KDM1A: variants seen among roughly 807,000 people sequenced by gnomAD.
The protein encoded by KDM1A is lysine demethylase 1A.
KDM1A carries 49 observed loss-of-function variants against 109.4 expected under a neutral mutation model. That is an observed-to-expected ratio of 0.45 (90% CI 0.36 to 0.57). The LOEUF is 0.57. KDM1A is among the 20% of genes least tolerant of loss of function. The probability of loss-of-function intolerance (pLI) is 0.00; values close to 1 mark genes in which losing one functional copy is unlikely to be tolerated. For missense variants in KDM1A, 668 were observed against 1,116.6 expected, an observed-to-expected ratio of 0.60 and a Z score of 5.73; for synonymous variants, 380 against 415.4, an observed-to-expected ratio of 0.91 and a Z score of 1.04.
Position 23,023,010 on chromosome 1 carries a change from A to G in KDM1A, c.351+3063A>G, listed in dbSNP as rs554672910. 7.2e-5 allele frequency among the ~76,000 whole-genome samples: 11 copies of G among 152,216 alleles called. No homozygotes were observed. The South Asian group carries it at 1.2e-3, about 17-fold the overall frequency. ...GTTTGTCTTTTACTGTAGCCATCCT[A>G]TTGGGGGTAAAGTGGTATCTCATTG... On this transcript the variant is annotated intron_variant, in intron 1 of 20. Coordinates refer to ENST00000400181, the MANE Select transcript of KDM1A (RefSeq NM_001009999.3).
At chr1:23,050,048 T>G (rs10917347) in intron 3 of KDM1A, among the ~76,000 whole-genome samples, 23,642 of 152,224 alleles carry the variant, frequency 0.16, 2,506 homozygotes, top group East Asian at 0.48. Flanking sequence ...TTAGTGCATT[T>G]TCCTTTATTC....
chr1:23,059,817 T>C (rs192582272), intron 9 of KDM1A, among the ~76,000 whole-genome samples: 1 of 152,360 alleles, frequency 6.6e-6, no homozygotes, highest in African/African-American at 2.4e-5. Flanking sequence ...AAAATTTTAC[T>C]GACTGCCTTT....
At chr1:23,057,275 T>TA (rs1259953816) in intron 7 of KDM1A, among the ~76,000 whole-genome samples, 1 of 152,218 alleles carries the variant, frequency 6.6e-6, no homozygotes, top group Non-Finnish European at 1.5e-5. Flanking sequence ...GACATTTAAT[T>TA]ATATGTCATT....
chr1:23,045,192 C>T (rs888988528), intron 3 of KDM1A, among the ~76,000 whole-genome samples: 2 of 152,184 alleles, frequency 1.3e-5, no homozygotes, highest in African/African-American at 4.8e-5. Flanking sequence ...TCCTTTGTCT[C>T]TTGAAGGATG....
intron 12 of KDM1A, 85 bp downstream of exon 12, chr1:23,069,236 T>A: frequency 1.3e-6 from 1 of 793,734 alleles, no homozygotes; most frequent in Non-Finnish European, 2.0e-6. Flanking sequence ...TTCCGAGATT[T>A]TTTCCTCCAT....
chr1:23,034,150 A>T (rs994458698), intron 2 of KDM1A, among the ~76,000 whole-genome samples: 1 of 152,048 alleles, frequency 6.6e-6, no homozygotes, highest in Non-Finnish European at 1.5e-5. Context: ...TAAATAATGG[A>T]TTTTTCATAC....
At chr1:23,042,440 ATTTTTTTT>A (rs769149894) in intron 2 of KDM1A, among the ~76,000 whole-genome samples, 9 of 21,560 alleles carry the variant, frequency 4.2e-4, no homozygotes, top group South Asian at 1.3e-3. Flanking sequence ...GAAATATATT[ATTTTTTTT>A]TTTTTTTTTT....
At chr1:23,024,314 G>A (rs1641731980) in intron 1 of KDM1A, among the ~76,000 whole-genome samples, 1 of 152,170 alleles carries the variant, frequency 6.6e-6, no homozygotes, top group Non-Finnish European at 1.5e-5. Context: ...CCAGTCTTGG[G>A]ATCCAGAGGA....
At position 23,079,253 on chromosome 1, in the gene KDM1A, G is replaced by A. The variant is rs1557599727; in HGVS notation, c.2055+76G>A. On this transcript the variant is annotated intron_variant, in intron 17 of 20. Transcript: ENST00000400181. This position sits in a 1 kb window ranked among gnomAD's most constrained non-coding sequence, Gnocchi z 5.6. ...TCTTCGTTGTTTACTTGGTGAGGAG[G>A]TGGCCTTGCATTTTTGGGCATTTGG... is the stretch of plus-strand genomic sequence containing the variant. 6.7e-7 allele frequency: 1 copy of A among 1,482,590 alleles called. No individual in the cohort carries two copies. 91.8% of individuals were successfully genotyped at this position (1,482,590 alleles called of 1,614,324 possible).
At chr1:23,022,051 T>A (rs1168246194) in intron 1 of KDM1A, among the ~76,000 whole-genome samples, 1 of 152,220 alleles carries the variant, frequency 6.6e-6, no homozygotes, top group African/African-American at 2.4e-5. Flanking sequence ...ATATACCAAA[T>A]TTGGTTTACC....
chr1:23,019,740 C>A lies in KDM1A; in HGVS notation c.144C>A (p.Ala48=), dbSNP rs1038216351. The change falls in exon 1 of 21, where the codon GCC becomes GCA. Residue 48 remains alanine, a synonymous_variant. Transcript: ENST00000400181. The part of the protein sequence containing the change: ...AAQPAGLSGP[A]EVGPGAVGER... ...AGCCCGCGGGCCTGTCGGGCCCAGC[C>A]GAGGTCGGGCCGGGGGCGGTGGGGG... The A allele has an allele frequency of 7.5e-7, 1 of 1,334,554 alleles. No individual in the cohort carries two copies. Among genetic ancestry groups the A allele is most frequent in the Admixed American group, 4.2e-5 (1 of 24,048 alleles). The allele number at this position is 1,334,554 out of a possible 1,614,324, so 82.7% of individuals were successfully genotyped here.
intron 15 of KDM1A, among the ~76,000 whole-genome samples, chr1:23,075,934 C>T (rs1043869627): frequency 2.0e-5 from 3 of 151,880 alleles, no homozygotes; most frequent in Non-Finnish European, 4.4e-5. Flanking sequence ...GCAACAAGAG[C>T]AAAACTCCAT....
chr1:23,020,090 T>C, intron 1 of KDM1A, 143 bp downstream of exon 1: 2 of 896,022 alleles, frequency 2.2e-6, no homozygotes, highest in South Asian at 2.7e-5. Context: ...CCACGTCCCC[T>C]CTAGCTGGAC....
chr1:23,054,807 A>G (rs1252284434), intron 5 of KDM1A, among the ~76,000 whole-genome samples: 1 of 151,830 alleles, frequency 6.6e-6, no homozygotes, highest in Admixed American at 6.6e-5. Context: ...TTTGTTTTTT[A>G]TAGAGACAGG....
chr1:23,037,129 T>TACAC (rs59175262), intron 2 of KDM1A, among the ~76,000 whole-genome samples: 51,362 of 147,562 alleles, frequency 0.35, 10,723 homozygotes, highest in East Asian at 0.5. Context: ...AAAATATATA[T>TACAC]ACACACACAC....
In KDM1A at chr1:23,071,106, T is replaced by C. The variant is rs545546499; in HGVS notation, c.1414-119T>C. 1.5e-4 allele frequency: 111 copies of C among 730,594 alleles called. No homozygotes were observed. The African/African-American group carries it at 1.8e-3, about 12-fold the overall frequency. The allele number at this position is 730,594 out of a possible 1,614,324, so 45.3% of individuals were successfully genotyped here. A position where few individuals can be genotyped will look rare whatever the true frequency, so the allele number is the denominator to read the frequency against. Reference sequence around the variant, plus strand: ...AAGTACTTAAGAATTCTCAGGACCTTGCATTGTAGCCCTGTTTTGTTGGGA... The same window carrying C: ...AAGTACTTAAGAATTCTCAGGACCTCGCATTGTAGCCCTGTTTTGTTGGGA... On this transcript the variant is annotated intron_variant, in intron 12 of 20. Transcript: ENST00000400181.
chr1:23,083,115 A>C, intron 20 of KDM1A, 64 bp from the exon 21 acceptor site: 1 of 1,438,712 alleles, frequency 7.0e-7, no homozygotes, highest in Non-Finnish European at 9.6e-7. Context: ...GTACTTAGCA[A>C]TTTAAGTACA....
At chr1:23,043,834 GCA>G (rs3830769) in intron 2 of KDM1A, among the ~76,000 whole-genome samples, 5 of 151,120 alleles carry the variant, frequency 3.3e-5, no homozygotes, top group Admixed American at 1.3e-4. Context: ...ACAGTACTTG[GCA>G]CACACACACA....
At chr1:23,048,254 G>A (rs1642560021) in intron 3 of KDM1A, among the ~76,000 whole-genome samples, 1 of 151,794 alleles carries the variant, frequency 6.6e-6, no homozygotes, top group Non-Finnish European at 1.5e-5. Context: ...GTTTTGTTTT[G>A]TTTTCAGTTT....
Sources: allele counts gnomAD v4.1 joint callset (sites outside exome capture counted in the v4.1 genomes callset), GRCh38; gene constraint gnomAD v4.1.1; non-coding constraint Gnocchi (gnomAD v3.1); transcripts MANE v1.5; gene names NCBI Gene and HGNC (gene_info 2026-07-23, HGNC 2026-07-21).